The following ARHGAP24 variants were observed in gnomAD, a reference collection of about 807,000 sequenced individuals.
The protein encoded by ARHGAP24 is Rho GTPase activating protein 24.
Under a neutral mutation model 76.4 loss-of-function variants are expected in ARHGAP24, and 50 were observed. The ratio of observed to expected loss-of-function variants is 0.65; its 90% confidence interval spans 0.52 to 0.83. The LOEUF (loss-of-function observed/expected upper bound fraction) is 0.83, where lower values mean the gene tolerates loss of function less well. ARHGAP24 is among the 40% of genes least tolerant of loss of function. ARHGAP24 has a pLI of 0.00. For synonymous variants in ARHGAP24, 345 were observed against 323.3 expected, an observed-to-expected ratio of 1.07 and a Z score of -0.72; for missense variants, 930 against 914.2, an observed-to-expected ratio of 1.02 and a Z score of -0.22.
chr4:85,973,240 G>A (rs543775654), intron 6 of ARHGAP24, among the ~76,000 whole-genome samples: 2 of 152,236 alleles, frequency 1.3e-5, no homozygotes, highest in East Asian at 1.9e-4. Flanking sequence ...GAGTAAAGTC[G>A]TATCTCATTG....
intron 1 of ARHGAP24, among the ~76,000 whole-genome samples, chr4:85,477,200 C>T (rs1451521656): frequency 6.6e-6 from 1 of 152,116 alleles, no homozygotes; most frequent in Non-Finnish European, 1.5e-5. Flanking sequence ...GAAAAATAAT[C>T]GGTAATTCTT....
chr4:85,749,544 A>C (rs1172812644), intron 3 of ARHGAP24, among the ~76,000 whole-genome samples: 2 of 152,088 alleles, frequency 1.3e-5, no homozygotes, highest in Non-Finnish European at 2.9e-5. Context: ...CAACCCCCAC[A>C]GATACAGTTT....
chr4:85,570,853 C>T, intron 2 of ARHGAP24, 132 bp downstream of exon 2: 1 of 1,057,914 alleles, frequency 9.5e-7, no homozygotes, highest in African/African-American at 1.6e-5. Context: ...ATCTTTCACC[C>T]TTTTACCCAT....
chr4:85,708,288 C>A (rs1259678741), intron 2 of ARHGAP24, among the ~76,000 whole-genome samples: 1 of 152,024 alleles, frequency 6.6e-6, no homozygotes, highest in Non-Finnish European at 1.5e-5. Flanking sequence ...AATTAGTTAC[C>A]AAACAGGACT....
chr4:85,492,485 G>T (rs994678922), intron 1 of ARHGAP24, among the ~76,000 whole-genome samples: 1 of 152,042 alleles, frequency 6.6e-6, no homozygotes, highest in Admixed American at 6.6e-5. Context: ...CTGTGATAAT[G>T]GATTCAAAAA....
intron 3 of ARHGAP24, among the ~76,000 whole-genome samples, chr4:85,760,520 C>A (rs1304977400): frequency 1.3e-5 from 2 of 152,178 alleles, no homozygotes; most frequent in Non-Finnish European, 2.9e-5. Context: ...TCCCATATGG[C>A]AACAGAAATG....
chr4:85,740,317 G>T (rs372172580), intron 3 of ARHGAP24, among the ~76,000 whole-genome samples: 1 of 151,484 alleles, frequency 6.6e-6, no homozygotes, highest in Non-Finnish European at 1.5e-5. Flanking sequence ...CCCACTCCTG[G>T]GTTCAGGCGA....
At chr4:85,854,980 C>A (rs1177487318) in intron 3 of ARHGAP24, among the ~76,000 whole-genome samples, 1 of 152,166 alleles carries the variant, frequency 6.6e-6, no homozygotes, top group African/African-American at 2.4e-5. Context: ...TGTTAACTTG[C>A]TTTTGTTCTT....
intron 8 of ARHGAP24, among the ~76,000 whole-genome samples, chr4:85,984,924 T>C (rs1024607583): frequency 8.6e-5 from 13 of 152,040 alleles, no homozygotes; most frequent in Non-Finnish European, 1.8e-4. Flanking sequence ...CAGGTTCAAG[T>C]GGTTCTCCTG....
At chr4:85,853,459 C>T (rs1731356925) in intron 3 of ARHGAP24, among the ~76,000 whole-genome samples, 2 of 152,156 alleles carry the variant, frequency 1.3e-5, no homozygotes, top group Non-Finnish European at 2.9e-5. Context: ...CGCCCTGCTT[C>T]GGCTCACCCT....
intron 6 of ARHGAP24, among the ~76,000 whole-genome samples, chr4:85,973,365 T>C (rs1230766749): frequency 1.3e-5 from 2 of 152,238 alleles, no homozygotes; most frequent in African/African-American, 4.8e-5. Context: ...TTCCCCATTT[T>C]CAGTTGGGTT....
intron 3 of ARHGAP24, among the ~76,000 whole-genome samples, chr4:85,900,742 G>A (rs574205361): frequency 1.3e-5 from 2 of 152,072 alleles, no homozygotes; most frequent in South Asian, 2.1e-4. Context: ...ACCGTTCTTC[G>A]CACCACAAAG....
intron 2 of ARHGAP24, among the ~76,000 whole-genome samples, chr4:85,646,114 T>G (rs1308617913): frequency 6.6e-6 from 1 of 152,110 alleles, no homozygotes; most frequent in Non-Finnish European, 1.5e-5. Flanking sequence ...GTCTGTGAGA[T>G]GCCATGCACA....
intron 8 of ARHGAP24, among the ~76,000 whole-genome samples, chr4:85,987,828 A>G (rs1456875087): frequency 6.6e-6 from 1 of 151,944 alleles, no homozygotes; most frequent in Non-Finnish European, 1.5e-5. Flanking sequence ...AAACACAAAG[A>G]TCTCAGAAGC....
intron 2 of ARHGAP24, among the ~76,000 whole-genome samples, chr4:85,585,736 C>T (rs1260706770): frequency 6.6e-6 from 1 of 152,170 alleles, no homozygotes; most frequent in African/African-American, 2.4e-5. Flanking sequence ...GGCTTCAGAG[C>T]TTTTTCACTA....
chr4:85,505,936 G>A (rs977707102), intron 1 of ARHGAP24, among the ~76,000 whole-genome samples: 2 of 151,878 alleles, frequency 1.3e-5, no homozygotes, highest in Admixed American at 6.6e-5. Context: ...TGATGTTGAT[G>A]CTATTCCTTT....
chr4:85,743,173 T>TA (rs201879660), intron 3 of ARHGAP24, among the ~76,000 whole-genome samples: 25 of 147,600 alleles, frequency 1.7e-4, no homozygotes, highest in African/African-American at 2.2e-4. Flanking sequence ...ATAATTCAGC[T>TA]AAAAAAAAAA....
intron 3 of ARHGAP24, among the ~76,000 whole-genome samples, chr4:85,737,422 T>C (rs1725644824): frequency 1.3e-5 from 2 of 152,234 alleles, no homozygotes; most frequent in Non-Finnish European, 2.9e-5. Context: ...GGGATGACTC[T>C]TAATGGAACT....
intron 2 of ARHGAP24, among the ~76,000 whole-genome samples, chr4:85,599,241 A>G (rs760755824): frequency 2.3e-4 from 35 of 152,162 alleles, no homozygotes; most frequent in Non-Finnish European, 4.1e-4. Context: ...GTATTAAAAC[A>G]TATGAAAGGC....
Sources: allele counts gnomAD v4.1 joint callset (sites outside exome capture counted in the v4.1 genomes callset), GRCh38; gene constraint gnomAD v4.1.1; transcripts MANE v1.5; gene names NCBI Gene and HGNC (gene_info 2026-07-23, HGNC 2026-07-21).